Variants in STK38 observed in about 807,000 individuals in gnomAD.
STK38 encodes serine/threonine kinase 38, also known as serine/threonine-protein kinase 38.
Under a neutral mutation model 59.0 loss-of-function variants are expected in STK38, and 26 were observed. The observed-to-expected ratio is 0.44, with a 90% CI of 0.32 to 0.61. The LOEUF (loss-of-function observed/expected upper bound fraction) is 0.61, where lower values mean the gene tolerates loss of function less well. Ranked by LOEUF, STK38 falls within the 20% of genes least tolerant of loss-of-function variation. The pLI is 0.04. For missense variants in STK38, 433 were observed against 566.0 expected, an observed-to-expected ratio of 0.76 and a Z score of 2.38; for synonymous variants, 175 against 176.6, an observed-to-expected ratio of 0.99 and a Z score of 0.07.
chr6:36,545,935 AACTG>A (rs1778044529), intron 1 of STK38, among the ~76,000 whole-genome samples: 1 of 152,036 alleles, frequency 6.6e-6, no homozygotes, highest in Admixed American at 6.6e-5. Context: ...ATGCCTGGCT[AACTG>A]ACTGACTTTA....
At chr6:36,509,814 G>A (rs778002679) in intron 7 of STK38, among the ~76,000 whole-genome samples, 13 of 152,144 alleles carry the variant, frequency 8.5e-5, no homozygotes, top group Middle Eastern at 3.4e-3. Flanking sequence ...TCTATCGCTC[G>A]GTCGCAGTCT....
chr6:36,527,207 A>AAAAAAAAAAAATATATATAT (rs60162863), intron 2 of STK38, among the ~76,000 whole-genome samples: 9 of 119,344 alleles, frequency 7.5e-5, no homozygotes, highest in African/African-American at 3.1e-4. Context: ...AAAAAAAAAA[A>AAAAAAAAAAAATATATATAT]ATATATGTAT....
At chr6:36,515,097 A>T (rs929866517) in intron 7 of STK38, among the ~76,000 whole-genome samples, 6 of 152,012 alleles carry the variant, frequency 3.9e-5, no homozygotes, top group African/African-American at 1.2e-4. Context: ...CCTCTACATC[A>T]ATTTTGCTCT....
intron 2 of STK38, among the ~76,000 whole-genome samples, chr6:36,533,864 G>A (rs553013903): frequency 7.2e-5 from 11 of 152,282 alleles, no homozygotes; most frequent in East Asian, 1.9e-4. Context: ...ACAGATTTAC[G>A]TTTGAATTCC....
Position 36,495,668 on chromosome 6 carries a change from A to C in STK38, c.*116T>G. On this transcript the variant is annotated 3_prime_UTR_variant, in exon 14 of 14. Coordinates refer to ENST00000229812, the MANE Select transcript of STK38 (RefSeq NM_007271.4). ...TTACTACCACATTTCAGGAGACTTT[A>C]CTATGACATATTGGTGGGTTCCATC... is the stretch of plus-strand genomic sequence containing the variant. 7.3e-7 allele frequency: 1 copy of C among 1,366,878 alleles called. No homozygotes were observed. The highest frequency in any genetic ancestry group is 1.0e-6 in the Non-Finnish European group (1 of 999,634). 84.7% of individuals were successfully genotyped at this position (1,366,878 alleles called of 1,614,324 possible). A position where few individuals can be genotyped will look rare whatever the true frequency, so the allele number is the denominator to read the frequency against.
chr6:36,507,707 T>C, intron 7 of STK38, 105 bp from the exon 8 acceptor site: 1 of 695,682 alleles, frequency 1.4e-6, no homozygotes. Flanking sequence ...ACAGCCAAAG[T>C]ACACTGCTCC....
At position 36,517,838 on chromosome 6, in the gene STK38, A is replaced by G; in HGVS notation, c.393T>C (p.Val131=). The G allele has an allele frequency of 6.2e-7, 1 of 1,613,530 alleles. No homozygotes were observed. Among genetic ancestry groups the G allele is most frequent in the East Asian group, 2.2e-5 (1 of 44,880 alleles). Residue 131 remains valine, a splice_region_variant and synonymous_variant, in exon 6 of 14, where the codon GTT becomes GTC. Transcript: ENST00000229812. ...RKADMLEKEQ[V]GHIRAERDIL... ...TGTCACGCTCCGCACGAATGTGGCC[A>G]ACCTGGAGGTATATGCATTTGATTA...
intron 2 of STK38, among the ~76,000 whole-genome samples, chr6:36,530,685 T>C (rs1388478713): frequency 1.4e-5 from 2 of 146,904 alleles, no homozygotes; most frequent in Admixed American, 6.8e-5. Flanking sequence ...TTTTTTCTTT[T>C]CTTTTCTTTT....
chr6:36,499,894 T>C lies in STK38; in HGVS notation c.931A>G (p.Ile311Val). Reference protein sequence around the residue: ...KLCDWWSLGVIMYEMLIGYPP... With the variant: ...KLCDWWSLGVVMYEMLIGYPP... ...TTACCGATGAGCATCTCATACATGA[T>C]CACCCCAAGCGACCACCAATCACAG... The change falls in exon 10 of 14, where the codon ATC becomes GTC. Residue 311 changes from isoleucine to valine, a missense_variant. Ile to Val is a conservative substitution (Grantham distance 29). Coordinates refer to ENST00000229812, the MANE Select transcript of STK38 (RefSeq NM_007271.4). 6.2e-7 allele frequency: 1 copy of C among 1,613,926 alleles called. No homozygotes were observed. Among genetic ancestry groups the C allele is most frequent in the Non-Finnish European group, 8.5e-7 (1 of 1,179,950 alleles).
At position 36,547,391 on chromosome 6, in the gene STK38, A is replaced by G. The variant is rs976058248; in HGVS notation, c.-207T>C. ...CAACAGGAAGCGTTCCAACTGCCGG[A>G]AAAGACGCGAGCGCTGAGGGGCCAA... On this transcript the variant is annotated 5_prime_UTR_variant, in exon 1 of 14. Transcript: ENST00000229812. The G allele has an allele frequency of 6.6e-6, 1 of 152,354 alleles. No homozygotes were observed. Among genetic ancestry groups the G allele is most frequent in the Non-Finnish European group, 1.5e-5 (1 of 68,148 alleles). The allele number at this position is 152,354 out of a possible 1,614,324, so 9.4% of individuals were successfully genotyped here.
intron 7 of STK38, among the ~76,000 whole-genome samples, chr6:36,508,004 G>A (rs1341461172): frequency 1.4e-5 from 2 of 145,236 alleles, no homozygotes; most frequent in African/African-American, 5.2e-5. Context: ...CGTGATCATG[G>A]CTCACTGCAG....
At chr6:36,509,511 AG>A (rs2127472169) in intron 7 of STK38, among the ~76,000 whole-genome samples, 1 of 149,926 alleles carries the variant, frequency 6.7e-6, no homozygotes, top group East Asian at 2.0e-4. Context: ...TTAGATAACA[AG>A]GGGATGTAAA....
At chr6:36,530,407 C>G (rs1003991180) in intron 2 of STK38, among the ~76,000 whole-genome samples, 7 of 151,806 alleles carry the variant, frequency 4.6e-5, no homozygotes, top group Admixed American at 4.6e-4. Context: ...CTCTGTCACC[C>G]AGGCTGAAGT....
At chr6:36,501,243 G>A (rs547997949) in intron 9 of STK38, among the ~76,000 whole-genome samples, 208 of 152,022 alleles carry the variant, frequency 1.4e-3, no homozygotes, top group Middle Eastern at 0.01. Flanking sequence ...GTGAGCCACC[G>A]CACCTGACCA....
chr6:36,506,147 G>A (rs1022267462), intron 9 of STK38, among the ~76,000 whole-genome samples: 9 of 152,104 alleles, frequency 5.9e-5, no homozygotes, highest in African/African-American at 2.2e-4. Context: ...AAAGTGTGAG[G>A]CAAATGAATT....
chr6:36,503,840 G>T (rs1002872400), intron 9 of STK38, among the ~76,000 whole-genome samples: 1 of 152,124 alleles, frequency 6.6e-6, no homozygotes, highest in Non-Finnish European at 1.5e-5. Flanking sequence ...ACTGGAGCTC[G>T]CTCGCATTTT....
chr6:36,515,352 G>C lies in STK38; in HGVS notation c.655C>G (p.Leu219Val). 1 of 1,614,076 alleles carries C rather than the reference G, an allele frequency of 6.2e-7. No individual in the cohort carries two copies. The highest frequency in any genetic ancestry group is 8.5e-7 in the Non-Finnish European group (1 of 1,180,006). Residue 219 changes from leucine to valine, a missense_variant, in exon 7 of 14, where the codon CTT becomes GTT. By Grantham distance (32) the Leu-to-Val change is conservative. Coordinates refer to ENST00000229812, the MANE Select transcript of STK38 (RefSeq NM_007271.4). ...CCCCCCAATACCTTGCTGTCCAAAA[G>C]AAGGTTGTCTGGTTTGATGTCTCTG... ...IHRDIKPDNL[L>V]LDSKGHVKLS...
intron 10 of STK38, 60 bp from the exon 11 acceptor site, chr6:36,498,546 T>A: frequency 6.4e-7 from 1 of 1,552,768 alleles, no homozygotes; most frequent in Non-Finnish European, 8.7e-7. Context: ...CTGACCGAGA[T>A]TACTCTCCTT....
In STK38 at chr6:36,494,582, C is replaced by T. The variant is rs760909592; in HGVS notation, c.*1202G>A. On this transcript the variant is annotated 3_prime_UTR_variant, in exon 14 of 14. Transcript: ENST00000229812. The stretch of plus-strand genomic sequence containing the variant: ...AACGCCACAGCAGAGAGACCCAATC[C>T]GCCTAAGTTGCAGGCGACCCTTTAG... The T allele has an allele frequency of 1.3e-5, 2 of 152,664 alleles. No individual in the cohort carries two copies. The highest frequency in any genetic ancestry group is 2.4e-5 in the African/African-American group (1 of 41,458). The allele number at this position is 152,664 out of a possible 1,614,324, so 9.5% of individuals were successfully genotyped here.
Sources: allele counts gnomAD v4.1 joint callset (sites outside exome capture counted in the v4.1 genomes callset), GRCh38; gene constraint gnomAD v4.1.1; transcripts MANE v1.5; gene names NCBI Gene and HGNC (gene_info 2026-07-23, HGNC 2026-07-21).